BLVRA: variants seen among roughly 807,000 people sequenced by gnomAD.
The protein encoded by BLVRA is BVR A.
A neutral mutation model predicts 32.8 loss-of-function variants in BLVRA; 22 were observed. That is an observed-to-expected ratio of 0.67 (90% confidence interval 0.48 to 0.96). The LOEUF (loss-of-function observed/expected upper bound fraction) is 0.96. Among genes scored for constraint, BLVRA ranks in the 40% least tolerant of loss-of-function variants. BLVRA has a pLI of 0.00. For missense variants in BLVRA, 323 were observed against 358.1 expected, an observed-to-expected ratio of 0.90 and a Z score of 0.79; for synonymous variants, 119 against 141.3, an observed-to-expected ratio of 0.84 and a Z score of 1.12.
At chr7:43,793,075 C>T (rs1009535602) in intron 5 of BLVRA, among the ~76,000 whole-genome samples, 1 of 152,142 alleles carries the variant, frequency 6.6e-6, no homozygotes, top group Non-Finnish European at 1.5e-5. Context: ...TTCACCTATG[C>T]TTATGTCATG....
chr7:43,771,611 C>T (rs1310185779), intron 2 of BLVRA, among the ~76,000 whole-genome samples: 1 of 152,206 alleles, frequency 6.6e-6, no homozygotes, highest in Non-Finnish European at 1.5e-5. Context: ...CTGTTCACTC[C>T]CTTCCAAGTG....
chr7:43,800,812 A>G (rs1264683600), intron 6 of BLVRA, among the ~76,000 whole-genome samples: 2 of 152,182 alleles, frequency 1.3e-5, no homozygotes, highest in African/African-American at 4.8e-5. Context: ...ATTATTTTTC[A>G]ACAGGAAGTT....
intron 2 of BLVRA, among the ~76,000 whole-genome samples, chr7:43,773,516 A>G (rs1163435937): frequency 6.6e-6 from 1 of 152,014 alleles, no homozygotes; most frequent in African/African-American, 2.4e-5. Context: ...TATGTGCCAC[A>G]TTTTCTTAAT....
chr7:43,784,598 C>CT (rs5883874), intron 2 of BLVRA, among the ~76,000 whole-genome samples: 297 of 85,142 alleles, frequency 3.5e-3, no homozygotes, highest in East Asian at 5.4e-3. Flanking sequence ...TCACTCATAT[C>CT]TTTTTTTTTT....
intron 1 of BLVRA, among the ~76,000 whole-genome samples, chr7:43,760,452 C>T (rs776752924): frequency 2.0e-5 from 3 of 152,104 alleles, no homozygotes; most frequent in South Asian, 2.1e-4. Flanking sequence ...AGGAGCTGCG[C>T]GCATTTTCAT....
intron 1 of BLVRA, chr7:43,767,342 GA>G: frequency 6.3e-7 from 1 of 1,591,024 alleles, no homozygotes; most frequent in Non-Finnish European, 8.6e-7. Flanking sequence ...CCTAAGTTCG[GA>G]AAAGAAAGCT....
chr7:43,761,574 T>C (rs1281667364), intron 1 of BLVRA, among the ~76,000 whole-genome samples: 1 of 152,160 alleles, frequency 6.6e-6, no homozygotes, highest in African/African-American at 2.4e-5. Flanking sequence ...CATTCATTCA[T>C]TCATTCATTG....
chr7:43,758,338 C>T (rs1008999135), upstream of BLVRA, among the ~76,000 whole-genome samples: 1 of 152,140 alleles, frequency 6.6e-6, no homozygotes, highest in South Asian at 2.1e-4. Context: ...CCTGCCCCCC[C>T]CACGCCGGGG....
chr7:43,787,840 TTTG>T lies in BLVRA; in HGVS notation c.13-62_13-60del. 6.2e-7 allele frequency: 1 copy of T among 1,613,566 alleles called. No homozygotes were observed. Among genetic ancestry groups the T allele is most frequent in the Non-Finnish European group, 8.5e-7 (1 of 1,179,588 alleles). On this transcript the variant is annotated intron_variant, in intron 2 of 7. Coordinates refer to ENST00000265523, the MANE Select transcript of BLVRA (RefSeq NM_000712.4). This position sits in a 1 kb window ranked among gnomAD's most constrained non-coding sequence, Gnocchi z 4.5. The stretch of plus-strand genomic sequence containing the variant: ...GTCGGGACCCTGCCAGCTCCTTTGT[TTTG>T]TAGTTTTCTGCTCGATGCCTACAGT...
At position 43,807,222 on chromosome 7, in the gene BLVRA, G is replaced by A; in HGVS notation, c.878G>A (p.Cys293Tyr). 2.5e-6 allele frequency: 4 copies of A among 1,605,826 alleles called. No homozygotes were observed. Among genetic ancestry groups the A allele is most frequent in the East Asian group, 2.2e-5 (1 of 44,880 alleles). Residue 293 changes from cysteine (C) to tyrosine (Y), a missense_variant, in exon 8 of 8, where the codon TGT (cysteine) becomes TAT (tyrosine). Transcript: ENST00000265523. ...GCAGAAGAAATCCAGAAATATTGCT[G>A]TTCAAGGAAGTAAGAGGAGGAGGTG... ...GLAEEIQKYC[C>Y]SRK
intron 1 of BLVRA, among the ~76,000 whole-genome samples, chr7:43,763,226 G>A (rs2132542040): frequency 6.6e-6 from 1 of 152,278 alleles, no homozygotes; most frequent in East Asian, 1.9e-4. Flanking sequence ...GGAGGAGGGG[G>A]CTGGAATACT....
intron 2 of BLVRA, among the ~76,000 whole-genome samples, chr7:43,786,949 G>A (rs1367021297): frequency 6.6e-6 from 1 of 151,692 alleles, no homozygotes; most frequent in Non-Finnish European, 1.5e-5. Flanking sequence ...TTGAGATAGA[G>A]TCTCACTCTG....
upstream of BLVRA, chr7:43,758,638 G>GC (rs1009443687): frequency 2.6e-5 from 4 of 152,882 alleles, no homozygotes; most frequent in Non-Finnish European, 5.8e-5. Flanking sequence ...CGGGGCCCCC[G>GC]CCCCCCAGCC....
chr7:43,771,167 A>AGAGGTGAGTTCTTTAC lies in BLVRA; in HGVS notation c.10_12+13dup. 6.2e-7 allele frequency: 1 copy of AGAGGTGAGTTCTTTAC among 1,613,950 alleles called. No individual in the cohort carries two copies. Among genetic ancestry groups the AGAGGTGAGTTCTTTAC allele is most frequent in the Non-Finnish European group, 8.5e-7 (1 of 1,179,806 alleles). On this transcript the variant is annotated frameshift_variant, in exon 2 of 8. Coordinates refer to ENST00000265523, the MANE Select transcript of BLVRA (RefSeq NM_000712.4). LOFTEE classifies it high-confidence loss of function. ...CGAAGGAAGAGACCAAGATGAATGCAGAGGTGAGTTCTTTACAAAGACCAG... is the reference window on the plus strand; with the variant it reads ...CGAAGGAAGAGACCAAGATGAATGCAGAGGTGAGTTCTTTACGAGGTGAGTTCTTTACAAAGACCAG...
intron 1 of BLVRA, among the ~76,000 whole-genome samples, chr7:43,759,087 G>T (rs1190078510): frequency 6.6e-6 from 1 of 152,254 alleles, no homozygotes; most frequent in East Asian, 1.9e-4. Context: ...GCGTAGTCCG[G>T]CGGCTCCAGG....
chr7:43,782,576 C>G (rs2095771222), intron 2 of BLVRA, among the ~76,000 whole-genome samples: 1 of 152,004 alleles, frequency 6.6e-6, no homozygotes, highest in Admixed American at 6.6e-5. Context: ...AGAGGATGGC[C>G]CACAGCTCAG....
chr7:43,803,258 CTACTT>C (rs2095800632), intron 6 of BLVRA, among the ~76,000 whole-genome samples: 1 of 151,984 alleles, frequency 6.6e-6, no homozygotes, highest in Admixed American at 6.6e-5. Flanking sequence ...TTTTACCAGA[CTACTT>C]TAAATCACTA....
intron 2 of BLVRA, among the ~76,000 whole-genome samples, chr7:43,778,109 T>A (rs566713930): frequency 7.2e-5 from 11 of 152,168 alleles, no homozygotes; most frequent in Non-Finnish European, 1.0e-4. Context: ...TAGCTCAGAG[T>A]AGTTTGATCA....
chr7:43,805,720 CTATT>C (rs1331988273), intron 7 of BLVRA, among the ~76,000 whole-genome samples: 1 of 152,002 alleles, frequency 6.6e-6, no homozygotes, highest in African/African-American at 2.4e-5. Context: ...ATTTTTTTAT[CTATT>C]TATTTATTTA....
Sources: allele counts gnomAD v4.1 joint callset (sites outside exome capture counted in the v4.1 genomes callset), GRCh38; gene constraint gnomAD v4.1.1; non-coding constraint Gnocchi (gnomAD v3.1); transcripts MANE v1.5; gene names NCBI Gene and HGNC (gene_info 2026-07-23, HGNC 2026-07-21).